ZNF529: variants seen among roughly 807,000 people sequenced by gnomAD.
ZNF529 encodes the protein zinc finger protein 529.
In ZNF529, 11 loss-of-function variants were observed where a neutral mutation model predicts 10.1. The ratio of observed to expected loss-of-function variants is 1.09; its 90% confidence interval spans 0.69 to 1.81. The LOEUF (loss-of-function observed/expected upper bound fraction) is 1.81, where lower values mean the gene tolerates loss of function less well. ZNF529 is among the 40% of genes most tolerant of loss of function. The pLI is 0.00. For synonymous variants in ZNF529, 204 were observed against 215.7 expected, an observed-to-expected ratio of 0.95 and a Z score of 0.47; for missense variants, 624 against 666.8, an observed-to-expected ratio of 0.94 and a Z score of 0.71.
chr19:36,585,028 G>A lies in ZNF529; in HGVS notation c.-41+4587C>T, dbSNP rs575857834. Among the ~76,000 whole-genome samples, 24 of 152,180 alleles carry A rather than the reference G, an allele frequency of 1.6e-4. No individual in the cohort carries two copies. The South Asian group carries it at 4.2e-3, about 26-fold the overall frequency. ...TTAAACAGAAAGTGGGGAAAGAGAT[G>A]GGTCATTGAGCTAAGGGGAGGCCTG... On this transcript the variant is annotated intron_variant, in intron 2 of 4. Coordinates refer to the ZNF529 transcript ENST00000585960.
At chr19:36,569,487 G>A (rs1337347497) in intron 2 of ZNF529, among the ~76,000 whole-genome samples, 3 of 152,054 alleles carry the variant, frequency 2.0e-5, no homozygotes, top group African/African-American at 7.2e-5. Flanking sequence ...AAAACTGGCT[G>A]GGTGTGGTGG....
intron 2 of ZNF529, among the ~76,000 whole-genome samples, chr19:36,560,234 G>A (rs1357998984): frequency 7.4e-6 from 1 of 135,046 alleles, no homozygotes; most frequent in African/African-American, 2.9e-5. Context: ...TCCAGCCTGG[G>A]CAACAAGAGC....
At chr19:36,559,361 TG>T (rs2035595613) in intron 2 of ZNF529, among the ~76,000 whole-genome samples, 1 of 152,152 alleles carries the variant, frequency 6.6e-6, no homozygotes, top group Admixed American at 6.5e-5. Flanking sequence ...CACGGTGGAG[TG>T]CAGTGCCACA....
upstream of ZNF529, among the ~76,000 whole-genome samples, chr19:36,575,120 G>T (rs1198324757): frequency 6.6e-6 from 1 of 152,176 alleles, no homozygotes; most frequent in Non-Finnish European, 1.5e-5. Flanking sequence ...GAAACTGAAT[G>T]TGTCTGTGCT....
chr19:36,553,511 GTT>G (rs1300064550), intron 4 of ZNF529, among the ~76,000 whole-genome samples: 3 of 152,136 alleles, frequency 2.0e-5, no homozygotes, highest in African/African-American at 7.2e-5. Context: ...TGAGAGGAAA[GTT>G]AGTAACTTTC....
At chr19:36,554,934 G>T in intron 3 of ZNF529, 138 bp from the exon 4 acceptor site, 1 of 633,218 alleles carries the variant, frequency 1.6e-6, no homozygotes, top group Non-Finnish European at 2.3e-6. Flanking sequence ...TGGGAAGTAA[G>T]GAAATTAGTG....
upstream of ZNF529, chr19:36,574,789 T>C (rs2036273480): frequency 2.1e-6 from 1 of 470,350 alleles, no homozygotes; most frequent in Non-Finnish European, 4.4e-6. Context: ...TGTAGTCATT[T>C]TTCTGTTGTT....
chr19:36,598,026 A>G (rs1444620455), intron 1 of ZNF529, among the ~76,000 whole-genome samples: 1 of 152,198 alleles, frequency 6.6e-6, no homozygotes, highest in Non-Finnish European at 1.5e-5. Context: ...TATACTTAAA[A>G]TGACAAAGAC....
chr19:36,546,733 T>C lies in ZNF529; in HGVS notation c.*133A>G, dbSNP rs1434935870. On this transcript the variant is annotated 3_prime_UTR_variant, in exon 5 of 5. Transcript: ENST00000591340. ...ATGACTAAGCAATTCTACGTCTACA[T>C]ACAGAATGACCATGAAGTCTAAAAA... is the stretch of plus-strand genomic sequence containing the variant. The C allele has an allele frequency of 2.1e-6, 2 of 936,282 alleles. No individual in the cohort carries two copies. The highest frequency in any genetic ancestry group is 1.7e-5 in the African/African-American group (1 of 59,672). 58.0% of individuals were successfully genotyped at this position (936,282 alleles called of 1,614,324 possible).
chr19:36,547,111 A>G lies in ZNF529; in HGVS notation c.1447T>C (p.Cys483Arg). 6.2e-7 allele frequency: 1 copy of G among 1,614,004 alleles called. No homozygotes were observed. Among genetic ancestry groups the G allele is most frequent in the Non-Finnish European group, 8.5e-7 (1 of 1,179,966 alleles). ...SGEKPYECKV[C>R]GKAFRHSSAL... The stretch of plus-strand genomic sequence containing the variant: ...GAACTATGTCTAAAGGCCTTCCCAC[A>G]TACCTTACATTCATAAGGTTTCTCA... The change falls in exon 5 of 5, where the codon TGT becomes CGT. Residue 483 changes from cysteine to arginine, a missense_variant. Cys to Arg is a radical substitution (Grantham distance 180). Coordinates refer to ENST00000591340, the MANE Select transcript of ZNF529 (RefSeq NM_020951.5).
intron 1 of ZNF529, among the ~76,000 whole-genome samples, chr19:36,592,858 TATG>T (rs1002874729): frequency 2.0e-5 from 3 of 152,016 alleles, no homozygotes; most frequent in African/African-American, 7.2e-5. Context: ...GAGAAAAAAA[TATG>T]ATCACTTTAG....
chr19:36,574,327 A>G (rs968267479), upstream of ZNF529, among the ~76,000 whole-genome samples: 9 of 152,228 alleles, frequency 5.9e-5, no homozygotes, highest in African/African-American at 2.2e-4. Flanking sequence ...TTGACGTAAG[A>G]CTTAGGAATG....
Position 36,546,426 on chromosome 19 carries a change from A to C in ZNF529, c.*440T>G, listed in dbSNP as rs2035023957. ...CAAAACAACATTACACAAAATGATG[A>C]GCTGTAAGACTGTAAAAATACATTG... On this transcript the variant is annotated 3_prime_UTR_variant, in exon 5 of 5. Coordinates refer to ENST00000591340, the MANE Select transcript of ZNF529 (RefSeq NM_020951.5). 1 of 153,222 alleles carries C rather than the reference A, an allele frequency of 6.5e-6. No homozygotes were observed. The highest frequency in any genetic ancestry group is 2.4e-5 in the African/African-American group (1 of 41,488). The allele number at this position is 153,222 out of a possible 1,614,324, so 9.5% of individuals were successfully genotyped here.
chr19:36,579,091 A>G (rs1016886945), intron 2 of ZNF529, among the ~76,000 whole-genome samples: 10 of 151,586 alleles, frequency 6.6e-5, no homozygotes, highest in Admixed American at 6.6e-4. Context: ...AATCCCAGCT[A>G]CTCGGGAGGC....
chr19:36,595,841 A>C (rs370644172), intron 1 of ZNF529, among the ~76,000 whole-genome samples: 11 of 152,252 alleles, frequency 7.2e-5, no homozygotes, highest in South Asian at 2.1e-4. Context: ...TACATTATAC[A>C]TATCTATATA....
intron 2 of ZNF529, among the ~76,000 whole-genome samples, chr19:36,586,467 T>C (rs1021916153): frequency 2.0e-5 from 3 of 151,950 alleles, no homozygotes; most frequent in African/African-American, 7.3e-5. Flanking sequence ...TAGCCGGGCG[T>C]GGTGGTGTGC....
At chr19:36,550,795 A>G (rs2035230767) in intron 4 of ZNF529, among the ~76,000 whole-genome samples, 1 of 152,222 alleles carries the variant, frequency 6.6e-6, no homozygotes, top group Non-Finnish European at 1.5e-5. Flanking sequence ...TAGGTGATGA[A>G]AACATACACA....
rs1406735245 is a variant in ZNF529, at chr19:36,544,469, AAC to A, written c.*2395_*2396del. 1 of 152,216 alleles carries A rather than the reference AAC, an allele frequency of 6.6e-6. No homozygotes were observed. The highest frequency in any genetic ancestry group is 1.5e-5 in the Non-Finnish European group (1 of 68,038). The allele number at this position is 152,216 out of a possible 1,614,324, so 9.4% of individuals were successfully genotyped here. A position where few individuals can be genotyped will look rare whatever the true frequency, so the allele number is the denominator to read the frequency against. On this transcript the variant is annotated 3_prime_UTR_variant, in exon 5 of 5. Coordinates refer to ENST00000591340, the MANE Select transcript of ZNF529 (RefSeq NM_020951.5). ...AATTTGTTTAAGCTGGAAGGAAAAAAACACACACAAAGAAATATAGGACAAGT... is the reference window on the plus strand; with the variant it reads ...AATTTGTTTAAGCTGGAAGGAAAAAAACACACAAAGAAATATAGGACAAGT...
At chr19:36,578,291 CTTTTTTTTTT>C (rs1159725232), upstream of ZNF529, among the ~76,000 whole-genome samples, 4 of 31,818 alleles carry the variant, frequency 1.3e-4, no homozygotes, top group Admixed American at 5.7e-4. Flanking sequence ...GTCTTGATCT[CTTTTTTTTTT>C]TTTTTTTTTT....
Sources: gnomAD v4.1 joint callset for allele counts (sites outside exome capture counted in the v4.1 genomes callset) on GRCh38, gnomAD v4.1.1 for gene constraint, MANE v1.5 for transcripts, NCBI Gene and HGNC (gene_info 2026-07-23, HGNC 2026-07-21) for gene names.